The following BRMS1L variants were observed in gnomAD, a reference collection of about 807,000 sequenced individuals.
BRMS1L encodes the protein breast cancer metastasis-suppressor 1-like protein.
In BRMS1L, 23 loss-of-function variants were observed where a neutral mutation model predicts 50.3. The observed-to-expected ratio is 0.46, with a 90% CI of 0.33 to 0.65. The LOEUF (loss-of-function observed/expected upper bound fraction) is 0.65, where lower values mean the gene tolerates loss of function less well. BRMS1L is among the 30% of genes least tolerant of loss of function. The probability of loss-of-function intolerance (pLI) is 0.02; values close to 1 mark genes in which losing one functional copy is unlikely to be tolerated. For synonymous variants in BRMS1L, 114 were observed against 126.9 expected (o/e 0.90, Z 0.69); for missense variants, 286 against 386.1 (o/e 0.74, Z 2.17).
chr14:35,870,504 A>G lies in BRMS1L; in HGVS notation c.*27A>G. 8 of 1,417,862 alleles carry G rather than the reference A, an allele frequency of 5.6e-6. No individual in the cohort carries two copies. The highest frequency in any genetic ancestry group is 7.9e-6 in the Non-Finnish European group (8 of 1,013,124). 87.8% of individuals were successfully genotyped at this position (1,417,862 alleles called of 1,614,324 possible). On this transcript the variant is annotated 3_prime_UTR_variant, in exon 10 of 10. Transcript: ENST00000216807. The stretch of plus-strand genomic sequence containing the variant: ...CATGATTTAAGTGTTATCTAAATTT[A>G]CCTTATTAGTGTTACCAAATGTAAG...
At chr14:35,865,622 A>G in intron 7 of BRMS1L, 100 bp from the exon 8 acceptor site, 1 of 875,702 alleles carries the variant, frequency 1.1e-6, no homozygotes, top group East Asian at 2.7e-5. Context: ...TTTGTTATGG[A>G]GTTAATCGGT....
At chr14:35,857,818 A>C (rs1566426997) in intron 4 of BRMS1L, among the ~76,000 whole-genome samples, 2 of 151,446 alleles carry the variant, frequency 1.3e-5, no homozygotes, top group Non-Finnish European at 2.9e-5. Flanking sequence ...TGGAATTAAT[A>C]ATTGCTTCAT....
intron 9 of BRMS1L, among the ~76,000 whole-genome samples, chr14:35,870,076 A>C (rs1241622557): frequency 6.7e-6 from 1 of 150,004 alleles, no homozygotes; most frequent in Non-Finnish European, 1.5e-5. Flanking sequence ...TTTTTTTTAA[A>C]GAGGTGGGGT....
intron 4 of BRMS1L, among the ~76,000 whole-genome samples, chr14:35,857,455 C>A (rs572849969): frequency 6.6e-6 from 1 of 151,604 alleles, no homozygotes; most frequent in Non-Finnish European, 1.5e-5. Flanking sequence ...GTATCAGTTG[C>A]TTCTGGAATT....
intron 4 of BRMS1L, among the ~76,000 whole-genome samples, chr14:35,858,096 C>T (rs1262812265): frequency 6.6e-6 from 1 of 151,574 alleles, no homozygotes; most frequent in Admixed American, 6.6e-5. Flanking sequence ...AAGGTCAAAA[C>T]TGCTTCTCGT....
chr14:35,841,373 A>ACCTC (rs1464441362), intron 4 of BRMS1L, among the ~76,000 whole-genome samples: 1 of 151,584 alleles, frequency 6.6e-6, no homozygotes, highest in Non-Finnish European at 1.5e-5. Context: ...ATCTCGGCTC[A>ACCTC]CTGCAAGCTC....
At chr14:35,856,459 G>A (rs941837477) in intron 4 of BRMS1L, among the ~76,000 whole-genome samples, 3 of 152,028 alleles carry the variant, frequency 2.0e-5, no homozygotes, top group Non-Finnish European at 4.4e-5. Flanking sequence ...AAAACTATTC[G>A]GGGTTCTGAT....
intron 4 of BRMS1L, among the ~76,000 whole-genome samples, chr14:35,850,850 A>T (rs1168696710): frequency 1.3e-5 from 2 of 152,184 alleles, no homozygotes; most frequent in African/African-American, 4.8e-5. Context: ...TTGATTTAAT[A>T]ATCTTATTTA....
In BRMS1L at chr14:35,863,919, C is replaced by T; in HGVS notation, c.588C>T (p.Phe196=). 2 of 1,614,022 alleles carry T rather than the reference C, an allele frequency of 1.2e-6. No homozygotes were observed. Among genetic ancestry groups the T allele is most frequent in the African/African-American group, 1.3e-5 (1 of 75,040 alleles). ...LQSRKKRKDP[F]SPDKKKPVVV... The stretch of plus-strand genomic sequence containing the variant: ...CAAGAAAAAAGAGGAAGGATCCTTT[C>T]AGTCCTGACAAAAAGAAGCCAGTTG... Residue 196 remains phenylalanine, a synonymous_variant, in exon 6 of 10, where the codon TTC becomes TTT. Coordinates refer to ENST00000216807, the MANE Select transcript of BRMS1L (RefSeq NM_032352.4).
At chr14:35,832,531 T>G (rs952505495) in intron 2 of BRMS1L, among the ~76,000 whole-genome samples, 2 of 151,258 alleles carry the variant, frequency 1.3e-5, no homozygotes, top group Non-Finnish European at 2.9e-5. Flanking sequence ...TTAAGTAGGC[T>G]GAATACAGTA....
At chr14:35,830,140 G>A (rs1418522933) in intron 1 of BRMS1L, among the ~76,000 whole-genome samples, 1 of 152,120 alleles carries the variant, frequency 6.6e-6, no homozygotes, top group Non-Finnish European at 1.5e-5. Flanking sequence ...CACGATCTTG[G>A]CTCACCACAA....
At chr14:35,863,749 G>C (rs2078383361) in intron 5 of BRMS1L, 121 bp from the exon 6 acceptor site, 9 of 770,402 alleles carry the variant, frequency 1.2e-5, no homozygotes, top group Admixed American at 2.7e-5. Flanking sequence ...TATATACCCA[G>C]CTGCCAATGA....
Position 35,849,875 on chromosome 14 carries a change from A to C in BRMS1L, c.442-12715A>C, listed in dbSNP as rs376988617. ...CGTTCTGTCACCCAGGCTGGAGTGC[A>C]GTGGTGTGATCTCGGCTCACTGCAA... On this transcript the variant is annotated intron_variant, in intron 4 of 9. Coordinates refer to ENST00000216807, the MANE Select transcript of BRMS1L (RefSeq NM_032352.4). Among the ~76,000 whole-genome samples the C allele has an allele frequency of 5.9e-5, 9 of 151,630 alleles. No individual in the cohort carries two copies. The East Asian group carries it at 1.6e-3, about 26-fold the overall frequency.
chr14:35,833,226 A>T (rs921083000), intron 3 of BRMS1L, 121 bp downstream of exon 3: 15 of 1,047,598 alleles, frequency 1.4e-5, no homozygotes, highest in Non-Finnish European at 2.0e-5. Flanking sequence ...ATCGACCAGA[A>T]TATTTTACTT....
At chr14:35,851,694 C>T (rs2078213493) in intron 4 of BRMS1L, among the ~76,000 whole-genome samples, 1 of 152,188 alleles carries the variant, frequency 6.6e-6, no homozygotes, top group Non-Finnish European at 1.5e-5. Context: ...CCCCTGTGTA[C>T]TGTTGGTGGG....
At chr14:35,844,177 C>G (rs139611087) in intron 4 of BRMS1L, among the ~76,000 whole-genome samples, 28 of 152,296 alleles carry the variant, frequency 1.8e-4, no homozygotes, top group African/African-American at 6.5e-4. Context: ...GCTTCAGCCT[C>G]TTTTCGAGGG....
intron 4 of BRMS1L, 50 bp from the exon 5 acceptor site, chr14:35,862,540 T>TA (rs1398880552): frequency 1.5e-6 from 2 of 1,299,934 alleles, no homozygotes. Context: ...TTAGTTAAGA[T>TA]ACACCAATTT....
intron 4 of BRMS1L, among the ~76,000 whole-genome samples, chr14:35,841,020 A>G (rs1024509522): frequency 1.3e-5 from 2 of 152,122 alleles, no homozygotes; most frequent in Non-Finnish European, 2.9e-5. Flanking sequence ...ACACTGCTTT[A>G]GCTGTGTCCC....
intron 4 of BRMS1L, among the ~76,000 whole-genome samples, chr14:35,835,383 A>G (rs560099688): frequency 6.6e-6 from 1 of 152,206 alleles, no homozygotes; most frequent in South Asian, 2.1e-4. Flanking sequence ...TATTCTGTTT[A>G]TTTTGCATTT....
Sources: allele counts gnomAD v4.1 joint callset (sites outside exome capture counted in the v4.1 genomes callset), GRCh38; gene constraint gnomAD v4.1.1; transcripts MANE v1.5; gene names NCBI Gene and HGNC (gene_info 2026-07-23, HGNC 2026-07-21).